The following KLHL1 variants were observed in gnomAD, a reference collection of about 807,000 sequenced individuals.
The protein encoded by KLHL1 is kelch-like protein 1.
In KLHL1, 47 loss-of-function variants were observed where a neutral mutation model predicts 77.7. That is an observed-to-expected ratio of 0.60 (90% CI 0.48 to 0.77). The LOEUF (loss-of-function observed/expected upper bound fraction) is 0.77, where lower values mean the gene tolerates loss of function less well. Among genes scored for constraint, KLHL1 ranks in the 30% least tolerant of loss-of-function variants. The pLI, the probability that KLHL1 is intolerant of heterozygous loss-of-function variation, is 0.00. For missense variants in KLHL1, 925 were observed against 910.8 expected (o/e 1.02, Z -0.20); for synonymous variants, 360 against 325.2 (o/e 1.11, Z -1.15).
chr13:69,816,920 TG>T (rs1878144480), intron 6 of KLHL1, among the ~76,000 whole-genome samples: 1 of 151,952 alleles, frequency 6.6e-6, no homozygotes, highest in East Asian at 1.9e-4. Context: ...ATGGCGCCAC[TG>T]CACTCCAGCC....
intron 6 of KLHL1, among the ~76,000 whole-genome samples, chr13:69,835,547 A>G (rs1401148572): frequency 6.6e-6 from 1 of 152,116 alleles, no homozygotes; most frequent in Non-Finnish European, 1.5e-5. Flanking sequence ...GGGGGCTGAC[A>G]TGGCTCTAAG....
chr13:69,904,726 C>A (rs1176000662), intron 4 of KLHL1, among the ~76,000 whole-genome samples: 1 of 152,120 alleles, frequency 6.6e-6, no homozygotes, highest in African/African-American at 2.4e-5. Flanking sequence ...GACTTCAAAG[C>A]CAGACAGTCT....
At chr13:69,819,555 C>T (rs1405647958) in intron 6 of KLHL1, among the ~76,000 whole-genome samples, 3 of 151,542 alleles carry the variant, frequency 2.0e-5, no homozygotes, top group Non-Finnish European at 2.9e-5. Context: ...AGACACCTGC[C>T]TGTTAATCAA....
chr13:70,099,105 TTTAC>T (rs1216022628), intron 1 of KLHL1, among the ~76,000 whole-genome samples: 2 of 151,912 alleles, frequency 1.3e-5, no homozygotes, highest in Admixed American at 1.3e-4. Flanking sequence ...AATATGGAAT[TTTAC>T]TTACACTATT....
At chr13:70,060,482 C>T (rs1886853610) in intron 1 of KLHL1, among the ~76,000 whole-genome samples, 1 of 151,754 alleles carries the variant, frequency 6.6e-6, no homozygotes, top group South Asian at 2.1e-4. Flanking sequence ...TATTGCTGCA[C>T]TATTTACAAT....
In KLHL1 at chr13:69,981,841, A is replaced by C. The variant is rs892900951; in HGVS notation, c.498-6039T>G. Among the ~76,000 whole-genome samples, 3 of 152,204 alleles carry C rather than the reference A, an allele frequency of 2.0e-5. No homozygotes were observed. The South Asian group carries it at 6.2e-4, about 32-fold the overall frequency. ...AACAAGAATTCTTCAAACCAAAAGA[A>C]TGCAAATGTGACTGTGATTCTGAAA... On this transcript the variant is annotated intron_variant, in intron 1 of 10. Transcript: ENST00000377844.
At chr13:69,764,079 A>G (rs1194008495) in intron 7 of KLHL1, among the ~76,000 whole-genome samples, 1 of 152,144 alleles carries the variant, frequency 6.6e-6, no homozygotes, top group African/African-American at 2.4e-5. Context: ...CTCAAAATTG[A>G]GAGGTTGACA....
intron 1 of KLHL1, among the ~76,000 whole-genome samples, chr13:70,033,885 AC>A (rs1886178431): frequency 6.6e-6 from 1 of 152,002 alleles, no homozygotes; most frequent in Admixed American, 6.6e-5. Context: ...CTCTGGGATT[AC>A]AGGCGTTAGC....
intron 4 of KLHL1, among the ~76,000 whole-genome samples, chr13:69,939,648 T>TA (rs2090086256): frequency 6.6e-6 from 1 of 151,838 alleles, no homozygotes; most frequent in South Asian, 2.1e-4. Context: ...TAAGTGTGCA[T>TA]AAAGCCATAA....
At chr13:70,058,576 T>C (rs771993924) in intron 1 of KLHL1, among the ~76,000 whole-genome samples, 1 of 152,140 alleles carries the variant, frequency 6.6e-6, no homozygotes, top group East Asian at 1.9e-4. Context: ...ATTGAGGACG[T>C]CCAATATGGA....
chr13:70,026,703 GGTGTGTGTGT>G lies in KLHL1; in HGVS notation c.498-50911_498-50902del, dbSNP rs3072710. ...AGTTGCTGTCAATTTAAGAACTTAG[GGTGTGTGTGT>G]GTGTGTGTGTGTGTGTGTGTGTGTG... On this transcript the variant is annotated intron_variant, in intron 1 of 10. Coordinates refer to ENST00000377844, the MANE Select transcript of KLHL1 (RefSeq NM_020866.3). 1.6e-3 allele frequency among the ~76,000 whole-genome samples: 135 copies of G among 85,312 alleles called. 1 individual carries two copies. Among genetic ancestry groups the G allele is most frequent in the Admixed American group, 4.3e-3 (31 of 7,184 alleles). The allele number at this position is 85,312 out of a possible 152,430, so 56.0% of individuals were successfully genotyped here. A position where few individuals can be genotyped will look rare whatever the true frequency, so the allele number is the denominator to read the frequency against.
intron 1 of KLHL1, among the ~76,000 whole-genome samples, chr13:69,997,760 T>C (rs1885194275): frequency 6.8e-6 from 1 of 147,902 alleles, no homozygotes; most frequent in African/African-American, 2.4e-5. Flanking sequence ...TGAATATAAA[T>C]ATATAAATGT....
intron 1 of KLHL1, among the ~76,000 whole-genome samples, chr13:70,026,517 A>T (rs1283623526): frequency 6.6e-6 from 1 of 152,190 alleles, no homozygotes; most frequent in Non-Finnish European, 1.5e-5. Context: ...TTGGATTCTT[A>T]TCCTAAAGCT....
chr13:69,772,935 C>T (rs944846346), intron 7 of KLHL1, among the ~76,000 whole-genome samples: 2 of 151,792 alleles, frequency 1.3e-5, no homozygotes, highest in Non-Finnish European at 2.9e-5. Flanking sequence ...AACGTTGATC[C>T]AAACAGGTTT....
chr13:70,076,415 C>A (rs1325687176), intron 1 of KLHL1, among the ~76,000 whole-genome samples: 8 of 139,370 alleles, frequency 5.7e-5, no homozygotes, highest in Admixed American at 7.3e-5. Flanking sequence ...GGTTTTGGAT[C>A]AACTGGATTG....
At chr13:69,883,277 T>C (rs1278845689) in intron 4 of KLHL1, among the ~76,000 whole-genome samples, 1 of 152,224 alleles carries the variant, frequency 6.6e-6, no homozygotes, top group Non-Finnish European at 1.5e-5. Context: ...TTAAGCAAGC[T>C]GGTGTTCATA....
chr13:70,076,703 C>A (rs185455414), intron 1 of KLHL1, among the ~76,000 whole-genome samples: 7 of 151,722 alleles, frequency 4.6e-5, no homozygotes, highest in Admixed American at 3.3e-4. Flanking sequence ...GAATGTAAAG[C>A]CACAGACCAG....
At chr13:69,964,963 CAA>C (rs199678351) in intron 2 of KLHL1, among the ~76,000 whole-genome samples, 1 of 150,540 alleles carries the variant, frequency 6.6e-6, no homozygotes. Context: ...ACTACCCCCA[CAA>C]AAAAAAATAC....
intron 8 of KLHL1, among the ~76,000 whole-genome samples, chr13:69,739,822 CAG>C (rs1320691399): frequency 1.3e-5 from 2 of 152,054 alleles, no homozygotes; most frequent in Non-Finnish European, 2.9e-5. Context: ...ATGGGGAAGA[CAG>C]GGGCTGTATT....
Sources: gnomAD v4.1 joint callset for allele counts (sites outside exome capture counted in the v4.1 genomes callset) on GRCh38, gnomAD v4.1.1 for gene constraint, MANE v1.5 for transcripts, NCBI Gene and HGNC (gene_info 2026-07-23, HGNC 2026-07-21) for gene names.